The following RAPGEF1 variants were observed in gnomAD, a reference collection of about 807,000 sequenced individuals.
The protein encoded by RAPGEF1 is CRK SH3-binding GNRP.
A neutral mutation model predicts 143.3 loss-of-function variants in RAPGEF1; 33 were observed. The observed-to-expected ratio is 0.23, with a 90% CI of 0.17 to 0.31. The LOEUF (loss-of-function observed/expected upper bound fraction) is 0.31. RAPGEF1 is among the 10% of genes least tolerant of loss of function. RAPGEF1 has a pLI of 1.00. For synonymous variants in RAPGEF1, 629 were observed against 676.5 expected (o/e 0.93, Z 1.09); for missense variants, 1,199 against 1,645.4 (o/e 0.73, Z 4.69).
rs1964131011 is a variant in RAPGEF1 at position 131,629,062 on chromosome 9, T to C, written c.893+40A>G. ...CTGTCTTCCTCCCTTTCTTTCTCAT[T>C]CTGCCATGGGAGGCACTGGACAAAT... On this transcript the variant is annotated intron_variant, in intron 7 of 26. Coordinates refer to ENST00000683357, the MANE Select transcript of RAPGEF1 (RefSeq NM_001377935.1). 3 of 1,588,798 alleles carry C rather than the reference T, an allele frequency of 1.9e-6. No individual in the cohort carries two copies. The East Asian group carries it at 6.7e-5, about 36-fold the overall frequency.
In RAPGEF1 at chr9:131,620,325, A is replaced by G. The variant is rs551535994; in HGVS notation, c.1906-1119T>C. ...CACTATGTTGTCCAGGCTGGTCTTG[A>G]ACTCCTGGGATCAAGTGATCCTCCA... is the stretch of plus-strand genomic sequence containing the variant. On this transcript the variant is annotated intron_variant, in intron 11 of 26. Coordinates refer to ENST00000683357, the MANE Select transcript of RAPGEF1 (RefSeq NM_001377935.1). 5.3e-5 allele frequency among the ~76,000 whole-genome samples: 8 copies of G among 151,162 alleles called. No homozygotes were observed. The East Asian group carries it at 1.4e-3, about 26-fold the overall frequency.
intron 1 of RAPGEF1, among the ~76,000 whole-genome samples, chr9:131,698,651 G>A (rs1412627644): frequency 1.3e-5 from 2 of 152,184 alleles, no homozygotes; most frequent in Admixed American, 6.5e-5. Flanking sequence ...CTGGCCTGTG[G>A]CCTGCTTTAG....
At chr9:131,728,617 T>C (rs2131321329) in intron 1 of RAPGEF1, among the ~76,000 whole-genome samples, 1 of 152,296 alleles carries the variant, frequency 6.6e-6, no homozygotes, top group Middle Eastern at 3.4e-3. Flanking sequence ...TACTTAATTG[T>C]AAAAACCTAC....
chr9:131,713,451 C>T (rs1835650648), intron 1 of RAPGEF1, among the ~76,000 whole-genome samples: 1 of 152,134 alleles, frequency 6.6e-6, no homozygotes, highest in Non-Finnish European at 1.5e-5. Flanking sequence ...CCTCTGCTAC[C>T]CATTTCCTCA....
At chr9:131,600,707 T>C (rs1956125324) in intron 15 of RAPGEF1, among the ~76,000 whole-genome samples, 1 of 152,170 alleles carries the variant, frequency 6.6e-6, no homozygotes, top group African/African-American at 2.4e-5. Context: ...AGGAAAAGCT[T>C]GAACACATGG....
intron 1 of RAPGEF1, among the ~76,000 whole-genome samples, chr9:131,668,353 T>G (rs1830775757): frequency 6.6e-6 from 1 of 152,238 alleles, no homozygotes; most frequent in African/African-American, 2.4e-5. Context: ...GATATTAAAA[T>G]TTAGATTTTT....
intron 1 of RAPGEF1, among the ~76,000 whole-genome samples, chr9:131,721,084 T>C (rs1836230720): frequency 6.6e-6 from 1 of 151,954 alleles, no homozygotes; most frequent in Non-Finnish European, 1.5e-5. Flanking sequence ...CCCCAGACAA[T>C]CCCACCGACC....
intron 12 of RAPGEF1, among the ~76,000 whole-genome samples, chr9:131,612,847 T>G (rs928273079): frequency 6.6e-6 from 1 of 152,094 alleles, no homozygotes; most frequent in African/African-American, 2.4e-5. Flanking sequence ...AACTCTTGAG[T>G]CAGACACAGC....
intron 12 of RAPGEF1, among the ~76,000 whole-genome samples, chr9:131,612,659 G>T (rs1958214688): frequency 6.6e-6 from 1 of 152,208 alleles, no homozygotes; most frequent in African/African-American, 2.4e-5. Context: ...CCTGGAAGGG[G>T]CTCTGGTCTG....
intron 1 of RAPGEF1, among the ~76,000 whole-genome samples, chr9:131,729,391 C>T (rs1836876976): frequency 1.3e-5 from 2 of 152,210 alleles, no homozygotes; most frequent in South Asian, 4.1e-4. Context: ...AGGGCCACTT[C>T]CTACCGTTGT....
intron 15 of RAPGEF1, 141 bp from the exon 16 acceptor site, chr9:131,598,451 C>T: frequency 1.4e-6 from 1 of 725,338 alleles, no homozygotes; most frequent in Non-Finnish European, 2.5e-6. Flanking sequence ...TCACTATGGA[C>T]TGGATCCTCA....
At chr9:131,601,399 G>C (rs1956260651) in intron 15 of RAPGEF1, among the ~76,000 whole-genome samples, 1 of 152,172 alleles carries the variant, frequency 6.6e-6, no homozygotes, top group Non-Finnish European at 1.5e-5. Context: ...AAGACCAAGG[G>C]AGGTTGGCCT....
rs536797318 is a variant in RAPGEF1 at position 131,654,635 on chromosome 9, G to C, written c.62-3686C>G. 2.0e-5 allele frequency among the ~76,000 whole-genome samples: 3 copies of C among 152,174 alleles called. No homozygotes were observed. In the South Asian group the frequency reaches 6.2e-4, roughly 31 times the overall value. On this transcript the variant is annotated intron_variant, in intron 1 of 26. Transcript: ENST00000683357. The stretch of plus-strand genomic sequence containing the variant: ...GAGGACTGCTTGAGCCCAGGAGTTA[G>C]AGGCTACAGTGAGCACTGCGCTCCA...
intron 22 of RAPGEF1, among the ~76,000 whole-genome samples, chr9:131,586,235 TG>T (rs1198016399): frequency 1.9e-5 from 2 of 107,484 alleles, no homozygotes; most frequent in Non-Finnish European, 3.7e-5. Context: ...CACACACACC[TG>T]CAGAGCAAGA....
At chr9:131,642,523 A>C (rs1391773317) in intron 4 of RAPGEF1, among the ~76,000 whole-genome samples, 1 of 152,244 alleles carries the variant, frequency 6.6e-6, no homozygotes, top group Non-Finnish European at 1.5e-5. Flanking sequence ...TCTTAGTCAA[A>C]GGCTGCGCCT....
In RAPGEF1 at chr9:131,626,124, C is replaced by T. The variant is rs747924663; in HGVS notation, c.1500G>A (p.Ser500=). 14 of 1,613,766 alleles carry T rather than the reference C, an allele frequency of 8.7e-6. 1 individual carries two copies. The highest frequency in any genetic ancestry group is 4.4e-5 in the South Asian group (4 of 91,084). ...CCTCCCCAGAGATGTTGTCATACTG[C>T]GAGGGATGCCGCTCGTAGGACACCC... The part of the protein sequence containing the change: ...GCRVSYERHP[S]QYDNISGEDL... The change falls in exon 10 of 27, where the codon TCG becomes TCA. Residue 500 remains serine (S), a synonymous_variant. Coordinates refer to ENST00000683357, the MANE Select transcript of RAPGEF1 (RefSeq NM_001377935.1).
At position 131,674,402 on chromosome 9, in the gene RAPGEF1, C is replaced by T. The variant is rs188269250; in HGVS notation, c.62-23453G>A. Among the ~76,000 whole-genome samples, 11 of 152,278 alleles carry T rather than the reference C, an allele frequency of 7.2e-5. No individual in the cohort carries two copies. In the East Asian group the frequency reaches 1.9e-3, roughly 27 times the overall value. ...AGCACGGTTTTGCTTTAAAATTCTG[C>T]CCTCTTACCCAAAGCAGTCAGCCTG... On this transcript the variant is annotated intron_variant, in intron 1 of 26. Transcript: ENST00000683357.
chr9:131,735,765 T>G (rs2131362138), intron 1 of RAPGEF1, among the ~76,000 whole-genome samples: 1 of 152,306 alleles, frequency 6.6e-6, no homozygotes, highest in South Asian at 2.1e-4. Context: ...GCCACCTGAC[T>G]CCTGCCCATA....
At chr9:131,648,462 G>C (rs940153781) in intron 3 of RAPGEF1, among the ~76,000 whole-genome samples, 2 of 152,132 alleles carry the variant, frequency 1.3e-5, no homozygotes, top group African/African-American at 4.8e-5. Flanking sequence ...TTGAGTGGCC[G>C]AACAGTTTCA....
Sources: allele counts gnomAD v4.1 joint callset (sites outside exome capture counted in the v4.1 genomes callset), GRCh38; gene constraint gnomAD v4.1.1; transcripts MANE v1.5; gene names NCBI Gene and HGNC (gene_info 2026-07-23, HGNC 2026-07-21).